The following XYLT2 variants were observed in gnomAD, a reference collection of about 807,000 sequenced individuals.
XYLT2 encodes the protein xylosyltransferase 2.
A neutral mutation model predicts 82.6 loss-of-function variants in XYLT2; 37 were observed. That is an observed-to-expected ratio of 0.45 (90% CI 0.34 to 0.59). XYLT2 has a LOEUF of 0.59. Ranked by LOEUF, XYLT2 falls within the 20% of genes least tolerant of loss-of-function variation. The pLI is 0.01. For missense variants in XYLT2, 934 were observed against 1,181.3 expected (o/e 0.79, Z 3.07); for synonymous variants, 474 against 499.0 (o/e 0.95, Z 0.67).
rs773549850 is a variant in XYLT2, at chr17:50,354,878, G to A, written c.829G>A (p.Val277Met). Residue 277 changes from valine (V) to methionine (M), a missense_variant, in exon 4 of 11, where the codon GTG (valine) becomes ATG (methionine). By Grantham distance (21) the Val-to-Met change is conservative. Around this residue, in one of 3 missense-constraint regions of XYLT2, gnomAD observed 371 missense variants for 394.9 expected, o/e 0.94. Transcript: ENST00000017003. ...DKRSDYLHRE[V>M]VELAQGYDNV... Reference sequence around the variant, plus strand: ...GCGTTCCGACTACCTGCACCGGGAGGTGGTGGAGCTGGCCCAGGGCTATGA... The same window carrying A: ...GCGTTCCGACTACCTGCACCGGGAGATGGTGGAGCTGGCCCAGGGCTATGA... 3 of 1,613,412 alleles carry A rather than the reference G, an allele frequency of 1.9e-6. No homozygotes were observed. In the Admixed American group the frequency reaches 5.0e-5, roughly 27 times the overall value.
rs1377547596 is a variant in XYLT2, at chr17:50,356,072, T to A, written c.1306-13T>A. 2.5e-6 allele frequency: 4 copies of A among 1,614,072 alleles called. No homozygotes were observed. In the East Asian group the frequency reaches 6.7e-5, roughly 27 times the overall value. On this transcript the variant is annotated splice_polypyrimidine_tract_variant and intron_variant, in intron 6 of 10. Transcript: ENST00000017003. ...CCTGCAGCTCACCTTCCACTCTCCC[T>A]TGCTGCTTGCAGTCCTTCTTCCACA...
In XYLT2 at chr17:50,354,926, C is replaced by A; in HGVS notation, c.877C>A (p.Arg293Ser). 1 of 1,603,296 alleles carries A rather than the reference C, an allele frequency of 6.2e-7. No homozygotes were observed. The highest frequency in any genetic ancestry group is 8.5e-7 in the Non-Finnish European group (1 of 1,174,434). Residue 293 changes from arginine (R) to serine (S), a missense_variant, in exon 4 of 11, where the codon CGC (arginine) becomes AGC (serine). Arg to Ser is a moderately radical substitution (Grantham distance 110). Around this residue, in one of 3 missense-constraint regions of XYLT2, gnomAD observed 189 missense variants for 320.8 expected, o/e 0.59. Transcript: ENST00000017003. Reference sequence around the variant, plus strand: ...TGATAACGTGCGGGTGACGCCCTGGCGCATGGTTACCATCTGGGGCGGGGC... The same window carrying A: ...TGATAACGTGCGGGTGACGCCCTGGAGCATGGTTACCATCTGGGGCGGGGC... ...GYDNVRVTPWRMVTIWGGASL... is the reference protein window; with the variant it reads ...GYDNVRVTPWSMVTIWGGASL...
In XYLT2 at chr17:50,350,974, G is replaced by A. The variant is rs149817066; in HGVS notation, c.136-2656G>A. 5.6e-4 allele frequency among the ~76,000 whole-genome samples: 85 copies of A among 152,230 alleles called. 2 individuals carry two copies. In the East Asian group the frequency reaches 0.015, roughly 27 times the overall value. ...GCAGAGAAAACCACTGTGGCTGCAG[G>A]AGAGTGAGCATGACAAATTCCCAGA... On this transcript the variant is annotated intron_variant, in intron 1 of 10. Transcript: ENST00000017003.
Position 50,353,938 on chromosome 17 carries a change from G to A in XYLT2, c.444G>A (p.Glu148=), listed in dbSNP as rs1444331544. 1 of 1,607,392 alleles carries A rather than the reference G, an allele frequency of 6.2e-7. No homozygotes were observed. The change falls in exon 2 of 11, where the codon GAG becomes GAA. Residue 148 remains glutamate, a synonymous_variant. Coordinates refer to ENST00000017003, the MANE Select transcript of XYLT2 (RefSeq NM_022167.4). ...FPPHGDTGSV[E]GAPQPTDNGF... is the part of the protein sequence containing the mutation. The stretch of plus-strand genomic sequence containing the variant: ...CACACGGAGATACAGGGAGCGTGGA[G>A]GGCGCCCCCCAGCCCACGGACAATG...
chr17:50,356,879 G>C (rs1441434888), intron 8 of XYLT2, 106 bp downstream of exon 8: 1 of 1,506,586 alleles, frequency 6.6e-7, no homozygotes. Context: ...CCAGTCTGAA[G>C]CAGGGAAAAA....
At chr17:50,351,533 C>CT (rs1912267330) in intron 1 of XYLT2, among the ~76,000 whole-genome samples, 1 of 152,110 alleles carries the variant, frequency 6.6e-6, no homozygotes, top group Non-Finnish European at 1.5e-5. Context: ...TCTCGGGAGG[C>CT]TGAGGCAGGA....
intron 1 of XYLT2, among the ~76,000 whole-genome samples, chr17:50,347,833 T>G (rs7223143): frequency 0.048 from 7,244 of 152,266 alleles, 598 homozygotes; most frequent in African/African-American, 0.17. Flanking sequence ...CATGGGAAGG[T>G]GAGTGCTGAA....
Position 50,356,684 on chromosome 17 carries a change from T to TG in XYLT2, c.1657dup (p.Val553GlyfsTer32). ...CTGATGGCCCCAGTGGGCTCAGTGA[T>TG]GTCATGCTCACTGCTTACACAGCCT... On this transcript the variant is annotated frameshift_variant, in exon 8 of 11. Transcript: ENST00000017003. LOFTEE classifies it high-confidence loss of function. The TG allele has an allele frequency of 6.2e-7, 1 of 1,613,158 alleles. No individual in the cohort carries two copies.
At chr17:50,353,488 A>G in intron 1 of XYLT2, 142 bp from the exon 2 acceptor site, 5 of 1,307,460 alleles carry the variant, frequency 3.8e-6, no homozygotes, top group Admixed American at 2.9e-5. Context: ...GATTGTGCGG[A>G]GTCCTTAGGT....
rs572142698 is a variant in XYLT2 at position 50,360,926 on chromosome 17, C to T, written c.*635C>T. 47 of 985,874 alleles carry T rather than the reference C, an allele frequency of 4.8e-5. No individual in the cohort carries two copies. Among genetic ancestry groups the T allele is most frequent in the South Asian group, 1.9e-4 (4 of 21,280 alleles). The allele number at this position is 985,874 out of a possible 1,614,324, so 61.1% of individuals were successfully genotyped here. On this transcript the variant is annotated 3_prime_UTR_variant, in exon 11 of 11. Coordinates refer to ENST00000017003, the MANE Select transcript of XYLT2 (RefSeq NM_022167.4). ...AGGGGACCCTAGAAGTGGGGTGGGG[C>T]GGCTCCAGGGCTTTCCAGCATACCC...
chr17:50,350,521 T>C (rs62060149), intron 1 of XYLT2, among the ~76,000 whole-genome samples: 1 of 48,726 alleles, frequency 2.1e-5, no homozygotes, highest in Non-Finnish European at 4.6e-5. Context: ...GAGCCGAGAT[T>C]GCACCACTGC....
chr17:50,355,963 G>A lies in XYLT2; in HGVS notation c.1271G>A (p.Arg424His), dbSNP rs141143630. ...YTDDPLVAQL[R>H]QFYTYTLLPA... ...GATGACCCGCTTGTGGCCCAGCTGC[G>A]CCAGTTCTACACATACACACTGCTC... Residue 424 changes from arginine to histidine, a missense_variant, in exon 6 of 11, where the codon CGC becomes CAC. By Grantham distance (29) the Arg-to-His change is conservative. Transcript: ENST00000017003. 36 of 1,614,000 alleles carry A rather than the reference G, an allele frequency of 2.2e-5. No individual in the cohort carries two copies. In the African/African-American group the frequency reaches 3.5e-4, roughly 16 times the overall value.
In XYLT2 at chr17:50,356,232, T is replaced by C. The variant is rs1567807328; in HGVS notation, c.1453T>C (p.Phe485Leu). ...CTGGTGTGGCTGCTCCCCCAACGAC[T>C]TCAAGCCACAGGACTTCCTCCGGCT... is the stretch of plus-strand genomic sequence containing the variant. ...VDWCGCSPND[F>L]KPQDFLRLQQ... The change falls in exon 7 of 11, where the codon TTC (phenylalanine) becomes CTC (leucine). Residue 485 changes from phenylalanine to leucine, a missense_variant. Phe to Leu is a conservative substitution (Grantham distance 22). Around this residue, in one of 3 missense-constraint regions of XYLT2, gnomAD observed 189 missense variants for 320.8 expected, o/e 0.59. Coordinates refer to ENST00000017003, the MANE Select transcript of XYLT2 (RefSeq NM_022167.4). 6.2e-7 allele frequency: 1 copy of C among 1,613,968 alleles called. No individual in the cohort carries two copies. The highest frequency in any genetic ancestry group is 8.5e-7 in the Non-Finnish European group (1 of 1,179,950).
intron 4 of XYLT2, 106 bp from the exon 5 acceptor site, chr17:50,355,395 T>C: frequency 4.7e-6 from 6 of 1,271,230 alleles, no homozygotes; most frequent in Non-Finnish European, 6.7e-6. Context: ...GTAGGGCACA[T>C]GGCCAGCCAG....
At chr17:50,347,752 CCATTGCTG>C in intron 1 of XYLT2, among the ~76,000 whole-genome samples, 1 of 152,226 alleles carries the variant, frequency 6.6e-6, no homozygotes, top group Non-Finnish European at 1.5e-5. Flanking sequence ...GTCCAGGCAC[CCATTGCTG>C]CTTGGACCCC....
intron 1 of XYLT2, among the ~76,000 whole-genome samples, chr17:50,352,037 C>G (rs1391826338): frequency 6.6e-6 from 1 of 152,146 alleles, no homozygotes; most frequent in African/African-American, 2.4e-5. Flanking sequence ...TCCTGGAAAG[C>G]AAATGCGGAG....
chr17:50,353,987 G>C lies in XYLT2; in HGVS notation c.493G>C (p.Val165Leu). 3.7e-6 allele frequency: 6 copies of C among 1,606,652 alleles called. No homozygotes were observed. The highest frequency in any genetic ancestry group is 1.1e-5 in the South Asian group (1 of 91,084). Reference protein sequence around the residue: ...DNGFTPKCEIVGKDALSALAR... With the variant: ...DNGFTPKCEILGKDALSALAR... ...TGGCTTCACCCCCAAGTGCGAGATC[G>C]TGGGCAAGGACGCACTGTCTGCACT... Residue 165 changes from valine to leucine, a missense_variant, in exon 2 of 11, where the codon GTG (valine) becomes CTG (leucine). Transcript: ENST00000017003.
chr17:50,355,595 G>GA lies in XYLT2; in HGVS notation c.1088+16dup, dbSNP rs71353637. 1 of 1,613,914 alleles carries GA rather than the reference G, an allele frequency of 6.2e-7. No individual in the cohort carries two copies. The highest frequency in any genetic ancestry group is 8.5e-7 in the Non-Finnish European group (1 of 1,179,882). On this transcript the variant is annotated intron_variant, in intron 5 of 10. Transcript: ENST00000017003. ...GGACAACTCCAGGTGAGGGGGTGGG[G>GA]AAGGAGGCCCTGGCCCCAGAGTCTT...
chr17:50,356,462 C>T (rs762430147), intron 7 of XYLT2, 49 bp from the exon 8 acceptor site: 2 of 1,598,280 alleles, frequency 1.3e-6, no homozygotes, highest in African/African-American at 1.3e-5. Context: ...CCCACCATGC[C>T]CTCTGGGGCT....
Sources: gnomAD v4.1 joint callset for allele counts (sites outside exome capture counted in the v4.1 genomes callset) on GRCh38, gnomAD v4.1.1 for gene constraint, gnomAD v4.1.1 regional missense constraint, MANE v1.5 for transcripts, NCBI Gene and HGNC (gene_info 2026-07-23, HGNC 2026-07-21) for gene names.